DPP4: variants seen among roughly 807,000 people sequenced by gnomAD.
The protein encoded by DPP4 is ADCP-2.
A neutral mutation model predicts 122.4 loss-of-function variants in DPP4; 93 were observed. That is an observed-to-expected ratio of 0.76 (90% confidence interval 0.64 to 0.90). The LOEUF (loss-of-function observed/expected upper bound fraction) is 0.90. Ranked by LOEUF, DPP4 falls within the 40% of genes least tolerant of loss-of-function variation. The pLI, the probability that DPP4 is intolerant of heterozygous loss-of-function variation, is 0.00. For synonymous variants in DPP4, 321 were observed against 302.9 expected, an observed-to-expected ratio of 1.06 and a Z score of -0.62; for missense variants, 914 against 907.3, an observed-to-expected ratio of 1.01 and a Z score of -0.09.
Position 162,043,085 on chromosome 2 carries a change from A to G in DPP4, c.366+2447T>C, listed in dbSNP as rs116073375. Among the ~76,000 whole-genome samples, 531 of 152,324 alleles carry G rather than the reference A, an allele frequency of 3.5e-3. 6 individuals carry two copies. Among genetic ancestry groups the G allele is most frequent in the African/African-American group, 0.012 (514 of 41,578 alleles). On this transcript the variant is annotated intron_variant, in intron 5 of 25. Transcript: ENST00000360534. ...CTTGAGAAAAAGAAAGAGCTGTGCA[A>G]TTAAAGGTTCTCAACTCAGCATCAT...
chr2:162,005,051 T>G (rs979392772), intron 23 of DPP4, among the ~76,000 whole-genome samples: 1 of 152,250 alleles, frequency 6.6e-6, no homozygotes, highest in Admixed American at 6.5e-5. Flanking sequence ...ATGCTAGCAC[T>G]TCCAGCTGCA....
chr2:162,029,378 C>T (rs1208681784), intron 10 of DPP4, among the ~76,000 whole-genome samples: 3 of 152,326 alleles, frequency 2.0e-5, no homozygotes, highest in East Asian at 1.9e-4. Flanking sequence ...AGGAAGCGGG[C>T]ATACTGCCAG....
At chr2:162,058,553 ACT>A (rs2106149741) in intron 2 of DPP4, among the ~76,000 whole-genome samples, 1 of 152,102 alleles carries the variant, frequency 6.6e-6, no homozygotes, top group South Asian at 2.1e-4. Context: ...ACTTGAATAA[ACT>A]CTATATTTAA....
intron 23 of DPP4, 108 bp from the exon 24 acceptor site, chr2:161,995,480 A>G (rs1251358939): frequency 4.3e-6 from 4 of 931,536 alleles, no homozygotes; most frequent in Non-Finnish European, 6.9e-6. Context: ...CCCCTTTGAT[A>G]CAAAATATAG....
At chr2:162,073,888 C>T (rs1012099984) in intron 1 of DPP4, 88 bp downstream of exon 1, 2 of 1,559,894 alleles carry the variant, frequency 1.3e-6, no homozygotes, top group South Asian at 1.2e-5. Flanking sequence ...GTCCCTGGTC[C>T]GGTTTCGCCA....
intron 17 of DPP4, 29 bp downstream of exon 17, chr2:162,017,079 C>T: frequency 6.2e-7 from 1 of 1,602,982 alleles, no homozygotes; most frequent in Non-Finnish European, 8.5e-7. Flanking sequence ...TTCTTAGAAA[C>T]AAATGAAGAG....
intron 2 of DPP4, among the ~76,000 whole-genome samples, chr2:162,070,978 G>A (rs1576078354): frequency 6.6e-6 from 1 of 152,016 alleles, no homozygotes; most frequent in Non-Finnish European, 1.5e-5. Context: ...ACCGGTTACC[G>A]AAGTCCAGTC....
In DPP4 at chr2:162,054,663, C is replaced by T. The variant is rs529028416; in HGVS notation, c.95-7162G>A. 1.7e-3 allele frequency among the ~76,000 whole-genome samples: 264 copies of T among 152,214 alleles called. 1 individual carries two copies. Among genetic ancestry groups the T allele is most frequent in the African/African-American group, 6.1e-3 (255 of 41,518 alleles). ...GCCTTTTTGTCTTTCTACTCTTCTGCCGTGTGAGAATGCAGCAAGAAGGCC... is the reference window on the plus strand; with the variant it reads ...GCCTTTTTGTCTTTCTACTCTTCTGTCGTGTGAGAATGCAGCAAGAAGGCC... On this transcript the variant is annotated intron_variant, in intron 2 of 25. Transcript: ENST00000360534.
At chr2:162,065,267 C>T (rs1191894987) in intron 2 of DPP4, among the ~76,000 whole-genome samples, 4 of 152,180 alleles carry the variant, frequency 2.6e-5, no homozygotes, top group African/African-American at 7.2e-5. Context: ...TACAGCAGAA[C>T]ATGAATGAGG....
At chr2:162,009,021 T>G (rs751214403) in intron 21 of DPP4, among the ~76,000 whole-genome samples, 6 of 152,166 alleles carry the variant, frequency 3.9e-5, no homozygotes, top group Middle Eastern at 3.4e-3. Context: ...CCTCTTTCAC[T>G]CCTTCCTTCT....
intron 2 of DPP4, among the ~76,000 whole-genome samples, chr2:162,070,231 TTTGA>T (rs1391803891): frequency 6.6e-6 from 1 of 152,194 alleles, no homozygotes; most frequent in Non-Finnish European, 1.5e-5. Context: ...AGGGTGAACT[TTTGA>T]TTGTGCTTGG....
intron 2 of DPP4, among the ~76,000 whole-genome samples, chr2:162,066,463 C>T (rs1684950958): frequency 6.6e-6 from 1 of 152,170 alleles, no homozygotes; most frequent in Admixed American, 6.5e-5. Flanking sequence ...AAACTCCTTT[C>T]TGTGTCTGCC....
At position 162,017,157 on chromosome 2, in the gene DPP4, T is replaced by A; in HGVS notation, c.1421-2A>T. 6.2e-7 allele frequency: 1 copy of A among 1,611,340 alleles called. No individual in the cohort carries two copies. Among genetic ancestry groups the A allele is most frequent in the Admixed American group, 1.7e-5 (1 of 59,844 alleles). On this transcript the variant is annotated splice_acceptor_variant, in intron 16 of 25. Coordinates refer to ENST00000360534, the MANE Select transcript of DPP4 (RefSeq NM_001935.4). LOFTEE classifies it high-confidence loss of function. ...GAGTATAGAGGGGCAGACCAGGACCTGTTAACACAATGGGGGAAAAATGTT... is the reference window on the plus strand; with the variant it reads ...GAGTATAGAGGGGCAGACCAGGACCAGTTAACACAATGGGGGAAAAATGTT...
chr2:162,073,617 TG>T, intron 1 of DPP4, 131 bp from the exon 2 acceptor site: 1 of 640,190 alleles, frequency 1.6e-6, no homozygotes, highest in Non-Finnish European at 2.7e-6. Flanking sequence ...GACCGCGGGC[TG>T]GGGGTGGGGG....
At chr2:161,997,131 C>T (rs1201822244) in intron 23 of DPP4, among the ~76,000 whole-genome samples, 2 of 152,180 alleles carry the variant, frequency 1.3e-5, no homozygotes, top group African/African-American at 2.4e-5. Flanking sequence ...AAAACAAATG[C>T]CCTTCCTCTT....
At chr2:162,037,141 T>A (rs959783206) in intron 8 of DPP4, among the ~76,000 whole-genome samples, 3 of 152,216 alleles carry the variant, frequency 2.0e-5, no homozygotes, top group Non-Finnish European at 2.9e-5. Context: ...AAATTGGAGC[T>A]GTGAAGCTGT....
At position 161,997,803 on chromosome 2, in the gene DPP4, T is replaced by G. The variant is rs535846797; in HGVS notation, c.2053-2431A>C. 2.9e-3 allele frequency among the ~76,000 whole-genome samples: 447 copies of G among 152,318 alleles called. 1 individual carries two copies. Among genetic ancestry groups the G allele is most frequent in the African/African-American group, 0.01 (426 of 41,568 alleles). On this transcript the variant is annotated intron_variant, in intron 23 of 25. Transcript: ENST00000360534. ...GTCTAGAACAATTCTCCTTTCAAGA[T>G]GGAGGCACCAAGACTCAGAAGGTGA...
At chr2:162,023,340 T>C (rs1454195568) in intron 11 of DPP4, among the ~76,000 whole-genome samples, 2 of 152,308 alleles carry the variant, frequency 1.3e-5, no homozygotes, top group East Asian at 3.9e-4. Flanking sequence ...TAGCAATAGA[T>C]AGGCCTGTCC....
chr2:162,016,359 G>A (rs1682925271), intron 18 of DPP4, among the ~76,000 whole-genome samples: 1 of 152,168 alleles, frequency 6.6e-6, no homozygotes, highest in African/African-American at 2.4e-5. Context: ...TTCTGAGACT[G>A]AAGTTTCAAT....
Sources: gnomAD v4.1 joint callset for allele counts (sites outside exome capture counted in the v4.1 genomes callset) on GRCh38, gnomAD v4.1.1 for gene constraint, MANE v1.5 for transcripts, NCBI Gene and HGNC (gene_info 2026-07-23, HGNC 2026-07-21) for gene names.